Variants in SHISA6 observed in about 807,000 individuals in gnomAD.
SHISA6 encodes shisa family member 6.
A neutral mutation model predicts 47.9 loss-of-function variants in SHISA6; 22 were observed. The observed-to-expected ratio is 0.46, with a 90% confidence interval of 0.33 to 0.66. The LOEUF is 0.66. SHISA6 is among the 30% of genes least tolerant of loss of function. The pLI, the probability that SHISA6 is intolerant of heterozygous loss-of-function variation, is 0.02. For missense variants in SHISA6, 680 were observed against 764.6 expected (o/e 0.89, Z 1.30); for synonymous variants, 388 against 337.8 (o/e 1.15, Z -1.63).
At chr17:11,277,241 TTCTCTCTCTCTCTCTCTCTCTC>T (rs139388009) in intron 2 of SHISA6, among the ~76,000 whole-genome samples, 2 of 78,162 alleles carry the variant, frequency 2.6e-5, no homozygotes, top group African/African-American at 1.2e-4. Context: ...CGGTTTCTCT[TTCTCTCTCTCTCTCTCTCTCTC>T]TCTCTCTCTC....
Position 11,518,923 on chromosome 17 carries a change from C to G in SHISA6, c.896-32973C>G, listed in dbSNP as rs561449049. The stretch of plus-strand genomic sequence containing the variant: ...TCATGCTTCACTGAGGAAATTGAAG[C>G]TGTCTGAAGGAAACTTCCCTACCCA... On this transcript the variant is annotated intron_variant, in intron 3 of 5. Coordinates refer to ENST00000441885, the MANE Select transcript of SHISA6 (RefSeq NM_207386.4). Among the ~76,000 whole-genome samples the G allele has an allele frequency of 2.0e-4, 30 of 152,278 alleles. 1 individual carries two copies. The South Asian group carries it at 5.4e-3, about 27-fold the overall frequency.
chr17:11,330,619 C>A (rs1002591901), intron 2 of SHISA6, among the ~76,000 whole-genome samples: 1 of 151,984 alleles, frequency 6.6e-6, no homozygotes, highest in African/African-American at 2.4e-5. Context: ...GACAAATCAC[C>A]TTCCCTGAGC....
chr17:11,474,837 A>T (rs946788773), intron 3 of SHISA6, among the ~76,000 whole-genome samples: 11 of 152,152 alleles, frequency 7.2e-5, no homozygotes, highest in African/African-American at 2.7e-4. Context: ...TTGCTTCTCC[A>T]TATTGACTTT....
At chr17:11,378,867 G>A (rs1240956383) in intron 2 of SHISA6, among the ~76,000 whole-genome samples, 1 of 152,038 alleles carries the variant, frequency 6.6e-6, no homozygotes, top group Non-Finnish European at 1.5e-5. Context: ...CACAGGTTGT[G>A]GTATGATTCA....
intron 2 of SHISA6, among the ~76,000 whole-genome samples, chr17:11,320,997 A>G (rs1910699842): frequency 6.6e-6 from 1 of 152,178 alleles, no homozygotes; most frequent in Non-Finnish European, 1.5e-5. Flanking sequence ...AGAAATTTGG[A>G]TTGCTTTTTT....
chr17:11,259,455 C>G (rs1476391402), intron 1 of SHISA6, among the ~76,000 whole-genome samples: 3 of 152,146 alleles, frequency 2.0e-5, no homozygotes, highest in Admixed American at 2.0e-4. Context: ...TTTAATATCT[C>G]GAGCAGACAA....
chr17:11,303,042 G>A (rs573846806), intron 2 of SHISA6, among the ~76,000 whole-genome samples: 1 of 152,002 alleles, frequency 6.6e-6, no homozygotes, highest in Non-Finnish European at 1.5e-5. Flanking sequence ...GTGTGATGAC[G>A]CCCCCAACCC....
intron 3 of SHISA6, among the ~76,000 whole-genome samples, chr17:11,468,210 T>TA (rs1281114010): frequency 1.3e-5 from 2 of 149,430 alleles, no homozygotes; most frequent in Non-Finnish European, 3.0e-5. Context: ...AACCATTCTT[T>TA]GATTTTCCTT....
intron 2 of SHISA6, among the ~76,000 whole-genome samples, chr17:11,299,319 A>G (rs936821209): frequency 1.1e-4 from 16 of 151,848 alleles, no homozygotes; most frequent in Non-Finnish European, 2.4e-4. Flanking sequence ...ATTACATTTA[A>G]TTGTCCTGAA....
intron 3 of SHISA6, among the ~76,000 whole-genome samples, chr17:11,507,304 A>G (rs2071507480): frequency 6.6e-6 from 1 of 152,194 alleles, no homozygotes; most frequent in Non-Finnish European, 1.5e-5. Context: ...GGAGCACATA[A>G]GACCTGCCAC....
chr17:11,293,833 C>T (rs1909637980), intron 2 of SHISA6, among the ~76,000 whole-genome samples: 1 of 152,150 alleles, frequency 6.6e-6, no homozygotes, highest in Non-Finnish European at 1.5e-5. Flanking sequence ...ACACGCTGCG[C>T]AGTTCGAATA....
intron 3 of SHISA6, among the ~76,000 whole-genome samples, chr17:11,408,769 T>A (rs1350648193): frequency 6.6e-6 from 1 of 152,238 alleles, no homozygotes; most frequent in Non-Finnish European, 1.5e-5. Context: ...TGATGATTAA[T>A]TCAGGTGTTT....
At chr17:11,547,777 C>A (rs2908956) in intron 3 of SHISA6, among the ~76,000 whole-genome samples, 81,120 of 151,936 alleles carry the variant, frequency 0.53, 22,827 homozygotes, top group African/African-American at 0.72. Context: ...TGAAAGAGTA[C>A]TAATATGAAT....
At chr17:11,328,998 C>T (rs528061050) in intron 2 of SHISA6, among the ~76,000 whole-genome samples, 2 of 152,140 alleles carry the variant, frequency 1.3e-5, no homozygotes, top group Non-Finnish European at 2.9e-5. Flanking sequence ...AACAATAAAT[C>T]AAAACAATGC....
chr17:11,505,884 C>T (rs946542869), intron 3 of SHISA6, among the ~76,000 whole-genome samples: 1 of 152,104 alleles, frequency 6.6e-6, no homozygotes, highest in Non-Finnish European at 1.5e-5. Flanking sequence ...AGAAGAAAGG[C>T]ATATACTGTA....
chr17:11,307,824 A>G (rs1312990335), intron 2 of SHISA6, among the ~76,000 whole-genome samples: 1 of 152,048 alleles, frequency 6.6e-6, no homozygotes, highest in Non-Finnish European at 1.5e-5. Context: ...GGGATATTGA[A>G]TAACGAAAAT....
At chr17:11,433,651 T>C (rs1171694325) in intron 3 of SHISA6, among the ~76,000 whole-genome samples, 1 of 152,168 alleles carries the variant, frequency 6.6e-6, no homozygotes, top group African/African-American at 2.4e-5. Flanking sequence ...TATACCCAGC[T>C]GTTATATATT....
intron 3 of SHISA6, among the ~76,000 whole-genome samples, chr17:11,405,962 T>C (rs1913942557): frequency 6.6e-6 from 1 of 152,196 alleles, no homozygotes; most frequent in Non-Finnish European, 1.5e-5. Context: ...GCACTGCATA[T>C]GTTTTTCCAG....
At chr17:11,435,131 C>CTT (rs1409328312) in intron 3 of SHISA6, among the ~76,000 whole-genome samples, 1 of 151,664 alleles carries the variant, frequency 6.6e-6, no homozygotes, top group East Asian at 1.9e-4. Flanking sequence ...CTCTCTCTCT[C>CTT]TGTTTCCCTC....
Sources: allele counts gnomAD v4.1 joint callset (sites outside exome capture counted in the v4.1 genomes callset), GRCh38; gene constraint gnomAD v4.1.1; transcripts MANE v1.5; gene names NCBI Gene and HGNC (gene_info 2026-07-23, HGNC 2026-07-21).